The following EEIG2 variants were observed in gnomAD, a reference collection of about 807,000 sequenced individuals.
EEIG2 encodes EEIG family member 2, also known as family with sequence similarity 102 member B.
At chr1:108,591,094 G>A in the EEIG2 span, among the ~76,000 whole-genome samples, 1 of 152,140 alleles carries the variant, frequency 6.6e-6, no homozygotes. Context: ...TCTGGAAAGT[G>A]GTTAAGCAAC....
the EEIG2 span, among the ~76,000 whole-genome samples, chr1:108,599,649 AC>A: frequency 6.6e-6 from 1 of 152,296 alleles, no homozygotes; most frequent in East Asian, 1.9e-4. Context: ...GTTCTTCTCT[AC>A]CACCTCCTAC....
At chr1:108,594,933 T>G in the EEIG2 span, among the ~76,000 whole-genome samples, 1 of 152,192 alleles carries the variant, frequency 6.6e-6, no homozygotes, top group Non-Finnish European at 1.5e-5. Flanking sequence ...CTCCACTCTC[T>G]AACTAAACTA....
chr1:108,570,053 T>C, the EEIG2 span, among the ~76,000 whole-genome samples: 3 of 152,226 alleles, frequency 2.0e-5, no homozygotes, highest in Non-Finnish European at 4.4e-5. Context: ...ACTCTTTTAA[T>C]TACCTTCATG....
the EEIG2 span, among the ~76,000 whole-genome samples, chr1:108,586,716 GGAA>G: frequency 6.6e-6 from 1 of 152,040 alleles, no homozygotes; most frequent in African/African-American, 2.4e-5. Context: ...AGAGGTTGAA[GGAA>G]GAAGATTGAA....
the EEIG2 span, chr1:108,628,796 G>A: frequency 1.1e-5 from 18 of 1,611,556 alleles, no homozygotes; most frequent in Non-Finnish European, 1.4e-5. Context: ...CTAGATTCCA[G>A]TGCGGAAGGT....
At chr1:108,574,476 C>T in the EEIG2 span, among the ~76,000 whole-genome samples, 19 of 152,284 alleles carry the variant, frequency 1.2e-4, no homozygotes, top group East Asian at 7.7e-4. Context: ...ATGGGCCAGG[C>T]GTGGTGGCTC....
chr1:108,628,366 A>G, the EEIG2 span: 2 of 1,612,354 alleles, frequency 1.2e-6, no homozygotes, highest in South Asian at 1.1e-5. Context: ...TGATATGAGT[A>G]TTATATCCAA....
chr1:108,628,908 T>C, the EEIG2 span: 1 of 962,520 alleles, frequency 1.0e-6, no homozygotes, highest in East Asian at 2.6e-5. Flanking sequence ...GACTGTTGCA[T>C]ATTTGTATAG....
the EEIG2 span, chr1:108,638,957 TTTATG>T: frequency 6.6e-6 from 1 of 152,208 alleles, no homozygotes; most frequent in African/African-American, 2.4e-5. Context: ...TTTTCAAATG[TTTATG>T]TTGTGTATAT....
At chr1:108,638,797 T>C in the EEIG2 span, 1 of 152,232 alleles carries the variant, frequency 6.6e-6, no homozygotes, top group Non-Finnish European at 1.5e-5. Context: ...TAAGATGCTC[T>C]GGAAATAAAG....
At chr1:108,634,424 G>C in the EEIG2 span, among the ~76,000 whole-genome samples, 1 of 152,192 alleles carries the variant, frequency 6.6e-6, no homozygotes, top group South Asian at 2.1e-4. Flanking sequence ...CACTAGTCAT[G>C]GTGGTTGCTT....
the EEIG2 span, among the ~76,000 whole-genome samples, chr1:108,622,026 G>A: frequency 2.0e-5 from 3 of 152,064 alleles, no homozygotes; most frequent in Non-Finnish European, 4.4e-5. Flanking sequence ...GCATGGTGAC[G>A]GGCACCTGTA....
the EEIG2 span, among the ~76,000 whole-genome samples, chr1:108,594,066 C>T: frequency 7.2e-5 from 11 of 151,964 alleles, no homozygotes; most frequent in Admixed American, 5.9e-4. Context: ...CCTTGGTCTC[C>T]GAAAGTGCTG....
At chr1:108,591,919 A>C in the EEIG2 span, among the ~76,000 whole-genome samples, 8 of 152,236 alleles carry the variant, frequency 5.3e-5, no homozygotes, top group African/African-American at 1.7e-4. Flanking sequence ...GGAATGACAA[A>C]CAATATAAGA....
At chr1:108,577,689 T>TG in the EEIG2 span, among the ~76,000 whole-genome samples, 2 of 86,228 alleles carry the variant, frequency 2.3e-5, no homozygotes, top group Non-Finnish European at 5.6e-5. Flanking sequence ...CCATGCTGTT[T>TG]TGGTTACTGT....
At chr1:108,618,938 A>G in the EEIG2 span, among the ~76,000 whole-genome samples, 3 of 151,190 alleles carry the variant, frequency 2.0e-5, no homozygotes, top group Non-Finnish European at 4.4e-5. Context: ...TGACTCCTTT[A>G]TTTTCTGCTT....
At chr1:108,635,378 C>T in the EEIG2 span, 1 of 511,054 alleles carries the variant, frequency 2.0e-6, no homozygotes, top group East Asian at 3.1e-5. Flanking sequence ...TTGGAAGCAC[C>T]TGGCTTCTGT....
the EEIG2 span, among the ~76,000 whole-genome samples, chr1:108,634,309 T>A: frequency 1.3e-5 from 2 of 152,232 alleles, no homozygotes; most frequent in African/African-American, 4.8e-5. Context: ...AACAGGAGTT[T>A]CTGGGCAATC....
the EEIG2 span, chr1:108,612,354 A>T: frequency 9.0e-7 from 1 of 1,108,426 alleles, no homozygotes; most frequent in Non-Finnish European, 1.3e-6. Flanking sequence ...AAATAAGCGT[A>T]TGTATATATT....
Sources: gnomAD v4.1 joint callset for allele counts (sites outside exome capture counted in the v4.1 genomes callset) on GRCh38, gnomAD v4.1.1 for gene constraint, MANE v1.5 for transcripts, NCBI Gene and HGNC (gene_info 2026-07-23, HGNC 2026-07-21) for gene names.